The following CCDC85A variants were observed in gnomAD, a reference collection of about 807,000 sequenced individuals.
The protein encoded by CCDC85A is coiled-coil domain containing 85A.
Under a neutral mutation model 50.2 loss-of-function variants are expected in CCDC85A, and 38 were observed. The observed-to-expected ratio is 0.76, with a 90% CI of 0.58 to 0.99. CCDC85A has a LOEUF of 0.99. Among genes scored for constraint, CCDC85A ranks in the 50% least tolerant of loss-of-function variants. The pLI is 0.00. For missense variants in CCDC85A, 820 were observed against 742.0 expected (o/e 1.11, Z -1.22); for synonymous variants, 366 against 301.4 (o/e 1.21, Z -2.22).
chr2:56,224,966 T>C (rs771161422), intron 2 of CCDC85A, among the ~76,000 whole-genome samples: 2 of 152,176 alleles, frequency 1.3e-5, no homozygotes, highest in Non-Finnish European at 2.9e-5. Flanking sequence ...ATTGCCATGC[T>C]TTTAAAGTCA....
chr2:56,319,682 CAA>C (rs1465315215), intron 2 of CCDC85A, among the ~76,000 whole-genome samples: 1 of 152,070 alleles, frequency 6.6e-6, no homozygotes, highest in African/African-American at 2.4e-5. Flanking sequence ...GCGATCATCT[CAA>C]GAGAGACCTC....
chr2:56,336,425 A>T lies in CCDC85A; in HGVS notation c.1241-6454A>T, dbSNP rs577115805. On this transcript the variant is annotated intron_variant, in intron 2 of 5. Transcript: ENST00000407595. Reference sequence around the variant, plus strand: ...TGCCTTGGCCTCCCAAAGTGCTAGGACTGTAGGTGCAAGCCAGTGTGCCCA... The same window carrying T: ...TGCCTTGGCCTCCCAAAGTGCTAGGTCTGTAGGTGCAAGCCAGTGTGCCCA... 7.9e-5 allele frequency among the ~76,000 whole-genome samples: 12 copies of T among 152,284 alleles called. No homozygotes were observed. In the South Asian group the frequency reaches 2.3e-3, roughly 29 times the overall value.
At chr2:56,350,098 A>G (rs1015372389) in intron 3 of CCDC85A, among the ~76,000 whole-genome samples, 1 of 149,794 alleles carries the variant, frequency 6.7e-6, no homozygotes, top group Non-Finnish European at 1.5e-5. Flanking sequence ...AAAAAAAAAA[A>G]GCCAAAAACA....
At chr2:56,253,465 A>G (rs540175559) in intron 2 of CCDC85A, among the ~76,000 whole-genome samples, 5 of 152,166 alleles carry the variant, frequency 3.3e-5, no homozygotes, top group African/African-American at 1.2e-4. Context: ...CTCCTAGTAC[A>G]GTATGTGGTA....
intron 2 of CCDC85A, among the ~76,000 whole-genome samples, chr2:56,215,594 T>TA (rs1429870374): frequency 6.6e-5 from 5 of 76,000 alleles, no homozygotes; most frequent in East Asian, 2.8e-4. Flanking sequence ...TTTTTTTTTT[T>TA]AAATCAAACT....
At chr2:56,260,766 A>T (rs1215686091) in intron 2 of CCDC85A, among the ~76,000 whole-genome samples, 1 of 152,212 alleles carries the variant, frequency 6.6e-6, no homozygotes, top group Non-Finnish European at 1.5e-5. Flanking sequence ...TTATTACTTT[A>T]GTAAAGGAAA....
intron 2 of CCDC85A, among the ~76,000 whole-genome samples, chr2:56,255,952 GA>G (rs1251590437): frequency 8.5e-5 from 13 of 152,102 alleles, no homozygotes; most frequent in African/African-American, 3.1e-4. Context: ...TAGATGGGAG[GA>G]GAGTTTGGAA....
At chr2:56,353,269 G>A (rs56055930) in intron 3 of CCDC85A, among the ~76,000 whole-genome samples, 2,367 of 152,250 alleles carry the variant, frequency 0.016, 61 homozygotes, top group African/African-American at 0.053. Context: ...GGTTTTATGT[G>A]TATTTGGAGA....
At position 56,342,859 on chromosome 2, in the gene CCDC85A, T is replaced by A. The variant is rs1674443313; in HGVS notation, c.1241-20T>A. ...ACAAGACCTGTGTGTATAATGTGAGTTCTTTCTTTTTAATTTTAGAATCAA... is the reference window on the plus strand; with the variant it reads ...ACAAGACCTGTGTGTATAATGTGAGATCTTTCTTTTTAATTTTAGAATCAA... On this transcript the variant is annotated intron_variant, in intron 2 of 5. Transcript: ENST00000407595. 2 of 1,533,442 alleles carry A rather than the reference T, an allele frequency of 1.3e-6. No homozygotes were observed. Among genetic ancestry groups the A allele is most frequent in the South Asian group, 2.4e-5 (2 of 83,962 alleles). The allele number at this position is 1,533,442 out of a possible 1,614,324, so 95.0% of individuals were successfully genotyped here. A position where few individuals can be genotyped will look rare whatever the true frequency, so the allele number is the denominator to read the frequency against.
At chr2:56,207,633 T>G (rs528483619) in intron 2 of CCDC85A, among the ~76,000 whole-genome samples, 1 of 152,306 alleles carries the variant, frequency 6.6e-6, no homozygotes, top group East Asian at 1.9e-4. Context: ...GGGCTTTTGT[T>G]TTTCAGAGAC....
intron 2 of CCDC85A, among the ~76,000 whole-genome samples, chr2:56,221,538 T>C (rs752053220): frequency 1.3e-5 from 2 of 152,086 alleles, no homozygotes; most frequent in African/African-American, 2.4e-5. Context: ...GTTGCAGTTG[T>C]TATTGTAATT....
intron 2 of CCDC85A, among the ~76,000 whole-genome samples, chr2:56,341,346 G>A (rs1242530057): frequency 6.6e-6 from 1 of 152,018 alleles, no homozygotes; most frequent in Admixed American, 6.6e-5. Context: ...ATTTTAGAGA[G>A]ACAGTTAACA....
intron 2 of CCDC85A, among the ~76,000 whole-genome samples, chr2:56,196,282 A>G (rs903956321): frequency 6.6e-6 from 1 of 152,234 alleles, no homozygotes; most frequent in African/African-American, 2.4e-5. Flanking sequence ...TTACTGTTCA[A>G]TGATTTCTTT....
At chr2:56,236,844 C>A (rs761665822) in intron 2 of CCDC85A, among the ~76,000 whole-genome samples, 1 of 152,028 alleles carries the variant, frequency 6.6e-6, no homozygotes, top group Admixed American at 6.6e-5. Context: ...TATTCCTGTT[C>A]TTATGCCTGA....
chr2:56,220,848 G>C (rs182593478), intron 2 of CCDC85A, among the ~76,000 whole-genome samples: 3 of 151,932 alleles, frequency 2.0e-5, no homozygotes, highest in Admixed American at 1.3e-4. Context: ...AGAATAGCAC[G>C]CAATAAAATG....
intron 2 of CCDC85A, among the ~76,000 whole-genome samples, chr2:56,238,500 G>T (rs1158007483): frequency 6.6e-6 from 1 of 151,390 alleles, no homozygotes; most frequent in African/African-American, 2.4e-5. Flanking sequence ...CTATTAAAAA[G>T]GTTTATTATC....
chr2:56,285,483 A>C (rs1049295604), intron 2 of CCDC85A, among the ~76,000 whole-genome samples: 9 of 137,486 alleles, frequency 6.5e-5, no homozygotes, highest in African/African-American at 2.6e-4. Context: ...TATTATATTA[A>C]TATTACATTA....
At chr2:56,213,834 A>G (rs191962209) in intron 2 of CCDC85A, among the ~76,000 whole-genome samples, 2 of 152,100 alleles carry the variant, frequency 1.3e-5, no homozygotes, top group African/African-American at 4.8e-5. Context: ...AAAATAGAAC[A>G]ACCAAAAATA....
At chr2:56,348,362 G>C (rs1177215935) in intron 3 of CCDC85A, among the ~76,000 whole-genome samples, 1 of 152,102 alleles carries the variant, frequency 6.6e-6, no homozygotes. Context: ...CCTGCACATG[G>C]GCTGTGGGTC....
Sources: gnomAD v4.1 joint callset for allele counts (sites outside exome capture counted in the v4.1 genomes callset) on GRCh38, gnomAD v4.1.1 for gene constraint, MANE v1.5 for transcripts, NCBI Gene and HGNC (gene_info 2026-07-23, HGNC 2026-07-21) for gene names.